The following FGFR2 variants were observed in gnomAD, a reference collection of about 807,000 sequenced individuals.
FGFR2 encodes the protein fibroblast growth factor receptor 2.
Under a neutral mutation model 95.9 loss-of-function variants are expected in FGFR2, and 19 were observed. The ratio of observed to expected loss-of-function variants is 0.20; its 90% CI spans 0.14 to 0.29. The LOEUF (loss-of-function observed/expected upper bound fraction) is 0.29. Among genes scored for constraint, FGFR2 ranks in the 10% least tolerant of loss-of-function variants. FGFR2 has a pLI of 1.00. For missense variants in FGFR2, 707 were observed against 1,056.9 expected (o/e 0.67, Z 4.59); for synonymous variants, 392 against 393.3 (o/e 1.00, Z 0.04).
chr10:121,568,172 C>T (rs76526147), intron 2 of FGFR2, among the ~76,000 whole-genome samples: 3,680 of 152,182 alleles, frequency 0.024, 146 homozygotes, highest in African/African-American at 0.082. Context: ...AATCTTGGCC[C>T]ATCTCCCACT....
At chr10:121,500,569 CGAA>C (rs41295627) in intron 11 of FGFR2, among the ~76,000 whole-genome samples, 27 of 152,250 alleles carry the variant, frequency 1.8e-4, no homozygotes, top group African/African-American at 5.8e-4. Flanking sequence ...ATTGTGGTCA[CGAA>C]GAAGGAGTCA....
chr10:121,550,697 C>A (rs1472216128), intron 5 of FGFR2, among the ~76,000 whole-genome samples: 2 of 152,136 alleles, frequency 1.3e-5, no homozygotes, highest in Non-Finnish European at 2.9e-5. Flanking sequence ...TAGTTTTATA[C>A]ACTATAAAGC....
At chr10:121,568,538 C>G (rs1212751441) in intron 2 of FGFR2, among the ~76,000 whole-genome samples, 1 of 152,072 alleles carries the variant, frequency 6.6e-6, no homozygotes, top group Admixed American at 6.6e-5. Context: ...GACCCACACA[C>G]CAATCTGCTC....
At chr10:121,589,160 C>G (rs1862262608) in intron 2 of FGFR2, among the ~76,000 whole-genome samples, 1 of 152,166 alleles carries the variant, frequency 6.6e-6, no homozygotes, top group Non-Finnish European at 1.5e-5. Context: ...AACAGCCAGG[C>G]ACCCAAAAAT....
At chr10:121,564,413 G>A (rs1056778503) in intron 4 of FGFR2, 89 bp downstream of exon 4, 12 of 1,214,204 alleles carry the variant, frequency 9.9e-6, no homozygotes, top group Admixed American at 1.7e-5. Context: ...ACAGCATGGC[G>A]CAGAAGAGTC....
chr10:121,528,248 G>A (rs2134438111), intron 6 of FGFR2, among the ~76,000 whole-genome samples: 1 of 152,234 alleles, frequency 6.6e-6, no homozygotes, highest in East Asian at 1.9e-4. Context: ...ATCTGTCCTA[G>A]AAAAATATTC....
intron 2 of FGFR2, among the ~76,000 whole-genome samples, chr10:121,581,808 T>G (rs1402433938): frequency 1.4e-5 from 2 of 147,932 alleles, no homozygotes; most frequent in Non-Finnish European, 3.0e-5. Flanking sequence ...AGCAGCTTCA[T>G]AGTCCCAGTC....
At chr10:121,498,344 C>T in intron 12 of FGFR2, 151 bp downstream of exon 12, 2 of 690,308 alleles carry the variant, frequency 2.9e-6, no homozygotes, top group East Asian at 2.7e-5. Flanking sequence ...GTGTTCATGG[C>T]TAGGAACATC....
intron 5 of FGFR2, among the ~76,000 whole-genome samples, chr10:121,546,038 C>T (rs1003586127): frequency 1.3e-5 from 2 of 151,996 alleles, no homozygotes; most frequent in Non-Finnish European, 2.9e-5. Context: ...TTTAAGAACC[C>T]CCTATGCCTA....
intron 2 of FGFR2, among the ~76,000 whole-genome samples, chr10:121,577,172 T>TAGAGAGAGAGAGAG (rs1206648416): frequency 1.3e-3 from 4 of 3,154 alleles, no homozygotes; most frequent in Non-Finnish European, 2.5e-3. Flanking sequence ...TATATATATA[T>TAGAGAGAGAGAGAG]ATATATAGAG....
chr10:121,508,958 G>A (rs1427331165), intron 9 of FGFR2, among the ~76,000 whole-genome samples: 4 of 152,188 alleles, frequency 2.6e-5, no homozygotes, highest in African/African-American at 7.2e-5. Context: ...GGCTTGGCCC[G>A]GTCCTGGGCA....
At chr10:121,587,165 C>T (rs1033379374) in intron 2 of FGFR2, among the ~76,000 whole-genome samples, 5 of 152,116 alleles carry the variant, frequency 3.3e-5, no homozygotes, top group Non-Finnish European at 7.4e-5. Context: ...GAAAAGACTC[C>T]CTATTCAATA....
chr10:121,491,362 G>C (rs889000600), intron 13 of FGFR2, among the ~76,000 whole-genome samples: 1 of 152,132 alleles, frequency 6.6e-6, no homozygotes, highest in Admixed American at 6.5e-5. Flanking sequence ...CCAGCACAGG[G>C]AGCTGACCAT....
At chr10:121,481,840 A>ATTT in intron 17 of FGFR2, 3 of 171,136 alleles carry the variant, frequency 1.8e-5, no homozygotes, top group Non-Finnish European at 2.2e-5. Flanking sequence ...TTTTATTTTT[A>ATTT]TTTTTTTTTT....
chr10:121,534,055 G>A (rs1034718225), intron 6 of FGFR2, among the ~76,000 whole-genome samples: 2 of 145,374 alleles, frequency 1.4e-5, no homozygotes, highest in Non-Finnish European at 3.0e-5. Flanking sequence ...AAATGTCAAT[G>A]TCAGCCTCTG....
chr10:121,502,626 T>C (rs1479898931), intron 10 of FGFR2, among the ~76,000 whole-genome samples: 3 of 152,246 alleles, frequency 2.0e-5, no homozygotes, highest in Non-Finnish European at 4.4e-5. Context: ...TATCTTTGCA[T>C]TTCCAAATGT....
chr10:121,489,151 C>G (rs1433720649), intron 13 of FGFR2, among the ~76,000 whole-genome samples: 1 of 152,160 alleles, frequency 6.6e-6, no homozygotes, highest in Non-Finnish European at 1.5e-5. Context: ...TGGCTCACCG[C>G]AACCTCCGCC....
At position 121,551,369 on chromosome 10, in the gene FGFR2, C is replaced by G. The variant is rs1855386108; in HGVS notation, c.545G>C (p.Gly182Ala). The G allele has an allele frequency of 6.2e-7, 1 of 1,614,216 alleles. No individual in the cohort carries two copies. The highest frequency in any genetic ancestry group is 8.5e-7 in the Non-Finnish European group (1 of 1,180,046). Residue 182 changes from glycine to alanine, a missense_variant, in exon 5 of 18, where the codon GGG becomes GCG. Gly to Ala is a moderately conservative substitution (Grantham distance 60). Around this residue, in one of 7 missense-constraint regions of FGFR2, gnomAD observed 139 missense variants for 278.1 expected, o/e 0.50. Transcript: ENST00000358487. ...ANTVKFRCPA[G>A]GNPMPTMRWL... ...CCGCATGGTTGGCATTGGGTTCCCC[C>G]CGGCTGGGCAGCGAAACTTGACAGT...
chr10:121,529,798 C>A (rs969962542), intron 6 of FGFR2, among the ~76,000 whole-genome samples: 1 of 152,200 alleles, frequency 6.6e-6, no homozygotes, highest in Non-Finnish European at 1.5e-5. Flanking sequence ...GAGGGCAAAG[C>A]CTTATACCTC....
Sources: allele counts gnomAD v4.1 joint callset (sites outside exome capture counted in the v4.1 genomes callset), GRCh38; gene constraint gnomAD v4.1.1; regional missense constraint gnomAD v4.1.1; transcripts MANE v1.5; gene names NCBI Gene and HGNC (gene_info 2026-07-23, HGNC 2026-07-21).